The following FUT9 variants were observed in gnomAD, a reference collection of about 807,000 sequenced individuals.
The protein encoded by FUT9 is 4-galactosyl-N-acetylglucosaminide 3-alpha-L-fucosyltransferase 9.
In FUT9, 15 loss-of-function variants were observed where a neutral mutation model predicts 29.7. That is an observed-to-expected ratio of 0.51 (90% CI 0.34 to 0.78). FUT9 has a LOEUF of 0.78. Among genes scored for constraint, FUT9 ranks in the 30% least tolerant of loss-of-function variants. FUT9 has a pLI of 0.01. For missense variants in FUT9, 319 were observed against 425.4 expected (o/e 0.75, Z 2.20); for synonymous variants, 169 against 153.7 (o/e 1.10, Z -0.74).
chr6:96,213,701 A>T lies in FUT9; in HGVS notation c.*9466A>T. ...TAATTAGTCATCTGGATTTTTATAG[A>T]TAAAATCACATGTTGATCAGAAATC... is the stretch of plus-strand genomic sequence containing the variant. On this transcript the variant is annotated 3_prime_UTR_variant, in exon 3 of 3. Coordinates refer to ENST00000302103, the MANE Select transcript of FUT9 (RefSeq NM_006581.4). 1 of 166,812 alleles carries T rather than the reference A, an allele frequency of 6.0e-6. No individual in the cohort carries two copies. The highest frequency in any genetic ancestry group is 1.9e-4 in the East Asian group (1 of 5,192). The allele number at this position is 166,812 out of a possible 1,614,324, so 10.3% of individuals were successfully genotyped here.
At chr6:96,155,093 T>G (rs887834567) in intron 2 of FUT9, among the ~76,000 whole-genome samples, 3 of 152,218 alleles carry the variant, frequency 2.0e-5, no homozygotes, top group African/African-American at 7.2e-5. Flanking sequence ...AGAGCAAAGA[T>G]TCTCTCAATT....
intron 1 of FUT9, among the ~76,000 whole-genome samples, chr6:96,055,810 G>T (rs1192630752): frequency 6.6e-6 from 1 of 150,940 alleles, no homozygotes; most frequent in Non-Finnish European, 1.5e-5. Context: ...CTCCCACAGT[G>T]CTGGGATTAA....
At chr6:96,186,547 C>A (rs9322719) in intron 2 of FUT9, among the ~76,000 whole-genome samples, 138,521 of 151,954 alleles carry the variant, frequency 0.91, 64,506 homozygotes, top group Non-Finnish European at 1. Flanking sequence ...AGAGATTTAT[C>A]ATATATATAG....
intron 1 of FUT9, among the ~76,000 whole-genome samples, chr6:96,072,600 G>A (rs140639708): frequency 1.2e-3 from 183 of 152,226 alleles, no homozygotes; most frequent in African/African-American, 4.1e-3. Context: ...CCTCTATGGG[G>A]TATGCACATG....
chr6:96,100,237 ACACACACACACACACACAC>A (rs1249493982), intron 1 of FUT9, among the ~76,000 whole-genome samples: 1 of 2,716 alleles, frequency 3.7e-4, no homozygotes, highest in Non-Finnish European at 5.8e-3. Context: ...ACCAACACAC[ACACACACACACACACACAC>A]ACACACACAC....
chr6:96,066,853 C>T (rs1327756666), intron 1 of FUT9, among the ~76,000 whole-genome samples: 1 of 151,352 alleles, frequency 6.6e-6, no homozygotes, highest in Non-Finnish European at 1.5e-5. Flanking sequence ...TATACCTCTT[C>T]CAGAATCTTG....
In FUT9 at chr6:96,205,631, G is replaced by A. The variant is rs113240732; in HGVS notation, c.*1396G>A. ...GGAGAGCTGGATATAAGCAGAGATC[G>A]TAGGTGAAAAAAGATGGGCCATTAA... On this transcript the variant is annotated 3_prime_UTR_variant, in exon 3 of 3. Coordinates refer to ENST00000302103, the MANE Select transcript of FUT9 (RefSeq NM_006581.4). 1.9e-3 allele frequency: 318 copies of A among 166,786 alleles called. 3 individuals are homozygous for A. Among genetic ancestry groups the A allele is most frequent in the African/African-American group, 6.8e-3 (284 of 41,520 alleles). The allele number at this position is 166,786 out of a possible 1,614,324, so 10.3% of individuals were successfully genotyped here.
Position 96,203,322 on chromosome 6 carries a change from C to A in FUT9, c.167C>A (p.Thr56Asn), listed in dbSNP as rs139267189. Residue 56 changes from threonine (T) to asparagine (N), a missense_variant, in exon 3 of 3, where the codon ACC (threonine) becomes AAC (asparagine). Physicochemically the swap from Thr to Asn is moderately conservative, Grantham distance 65. Transcript: ENST00000302103. ...CTGAAAATGAAAAACTTCTTTTCCA[C>A]CAAAACTGATTATTTTAATGAAACT... ...SVLKMKNFFS[T>N]KTDYFNETTI... 1.6e-3 allele frequency: 2,551 copies of A among 1,613,826 alleles called. 2 individuals are homozygous for A. The highest frequency in any genetic ancestry group is 5.1e-3 in the Middle Eastern group (31 of 6,060).
chr6:96,085,990 C>A (rs553334244), intron 1 of FUT9, among the ~76,000 whole-genome samples: 15 of 152,188 alleles, frequency 9.9e-5, no homozygotes, highest in African/African-American at 3.6e-4. Context: ...ATTACTTATT[C>A]ATCAGTAGGA....
chr6:96,104,841 A>G (rs1403516838), intron 1 of FUT9, among the ~76,000 whole-genome samples: 1 of 152,188 alleles, frequency 6.6e-6, no homozygotes, highest in Non-Finnish European at 1.5e-5. Context: ...CACAAGTGTA[A>G]ATTATTTTGT....
At chr6:96,071,596 A>T (rs566481937) in intron 1 of FUT9, among the ~76,000 whole-genome samples, 49 of 152,254 alleles carry the variant, frequency 3.2e-4, no homozygotes, top group African/African-American at 1.1e-3. Flanking sequence ...GAAGAGTATA[A>T]AGAGCAATGG....
At chr6:96,115,579 T>G (rs973144079) in intron 2 of FUT9, among the ~76,000 whole-genome samples, 2 of 152,222 alleles carry the variant, frequency 1.3e-5, no homozygotes, top group Non-Finnish European at 2.9e-5. Context: ...TGACACTAGC[T>G]GTATTTCAAG....
At chr6:96,048,739 G>A (rs1252594735) in intron 1 of FUT9, among the ~76,000 whole-genome samples, 9 of 152,168 alleles carry the variant, frequency 5.9e-5, no homozygotes, top group Admixed American at 5.9e-4. Flanking sequence ...TTCATCAAAT[G>A]TTCCTGGACA....
chr6:96,153,614 C>A (rs1425824383), intron 2 of FUT9, among the ~76,000 whole-genome samples: 2 of 152,002 alleles, frequency 1.3e-5, no homozygotes, highest in East Asian at 3.9e-4. Flanking sequence ...AGATAATGAC[C>A]ATTAAGTCTC....
At chr6:96,147,175 T>G (rs1183742842) in intron 2 of FUT9, among the ~76,000 whole-genome samples, 1 of 151,696 alleles carries the variant, frequency 6.6e-6, no homozygotes, top group Non-Finnish European at 1.5e-5. Context: ...TTTTTTTTTT[T>G]TCTTGAGATG....
At chr6:96,078,931 A>G (rs1286219262) in intron 1 of FUT9, among the ~76,000 whole-genome samples, 1 of 152,064 alleles carries the variant, frequency 6.6e-6, no homozygotes, top group Non-Finnish European at 1.5e-5. Flanking sequence ...GCCGCCAACC[A>G]TTCTGTTTCT....
At chr6:96,085,645 A>G (rs1771304374) in intron 1 of FUT9, among the ~76,000 whole-genome samples, 1 of 152,214 alleles carries the variant, frequency 6.6e-6, no homozygotes, top group Non-Finnish European at 1.5e-5. Flanking sequence ...AGATGCAGTC[A>G]TAAGGAAAAA....
At chr6:96,062,709 C>A (rs772966717) in intron 1 of FUT9, among the ~76,000 whole-genome samples, 1 of 151,932 alleles carries the variant, frequency 6.6e-6, no homozygotes, top group Non-Finnish European at 1.5e-5. Flanking sequence ...CTTCTTTATA[C>A]CTTTTTGTAT....
intron 1 of FUT9, among the ~76,000 whole-genome samples, chr6:96,067,175 C>T (rs4310070): frequency 0.56 from 82,773 of 148,734 alleles, 23,141 homozygotes; most frequent in South Asian, 0.64. Flanking sequence ...GCTATGGATA[C>T]ATAAACTCAT....
Sources: allele counts gnomAD v4.1 joint callset (sites outside exome capture counted in the v4.1 genomes callset), GRCh38; gene constraint gnomAD v4.1.1; transcripts MANE v1.5; gene names NCBI Gene and HGNC (gene_info 2026-07-23, HGNC 2026-07-21).